The following WNT10B variants were observed in gnomAD, a reference collection of about 807,000 sequenced individuals.
WNT10B encodes protein Wnt-10b.
In WNT10B, 26 loss-of-function variants were observed where a neutral mutation model predicts 32.7. That is an observed-to-expected ratio of 0.79 (90% CI 0.58 to 1.10). The LOEUF is 1.10. Ranked by LOEUF, WNT10B falls within the 50% of genes least tolerant of loss-of-function variation. The pLI is 0.00. For missense variants in WNT10B, 474 were observed against 532.5 expected (o/e 0.89, Z 1.08); for synonymous variants, 204 against 220.4 (o/e 0.93, Z 0.66).
rs989293880 is a variant in WNT10B, at chr12:48,968,165, C to T, written c.492G>A (p.Leu164=). The T allele has an allele frequency of 3.1e-6, 5 of 1,614,084 alleles. No individual in the cohort carries two copies. In the Admixed American group the frequency reaches 8.3e-5, roughly 27 times the overall value. The change falls in exon 4 of 5, where the codon CTG becomes CTA. Residue 164 remains leucine (L), a synonymous_variant. Coordinates refer to ENST00000301061, the MANE Select transcript of WNT10B (RefSeq NM_003394.4). ...AACTCTTGCCTCGGGACAGTGCCTG[C>T]AGCTGCAGCAGTTTGGCCCTCAGCC... is the stretch of plus-strand genomic sequence containing the variant. The part of the protein sequence containing the change: ...QDRLRAKLLQ[L]QALSRGKSFP...
In WNT10B at chr12:48,970,468, G is replaced by T; in HGVS notation, c.62C>A (p.Ala21Glu). 6.2e-7 allele frequency: 1 copy of T among 1,612,860 alleles called. No homozygotes were observed. The highest frequency in any genetic ancestry group is 8.5e-7 in the Non-Finnish European group (1 of 1,179,630). Residue 21 changes from alanine to glutamate, a missense_variant, in exon 2 of 5, where the codon GCG becomes GAG. Coordinates refer to ENST00000301061, the MANE Select transcript of WNT10B (RefSeq NM_003394.4). This position sits in a 1 kb window ranked among gnomAD's most constrained non-coding sequence, Gnocchi z 5.0. Reference sequence around the variant, plus strand: ...GGGAACTGCTCACCGACTGCACAACGCCAGGAACAGGAGACCCGCGAGGCC... The same window carrying T: ...GGGAACTGCTCACCGACTGCACAACTCCAGGAACAGGAGACCCGCGAGGCC... ...PSGLAGLLFL[A>E]LCSRALSNEI... is the part of the protein sequence containing the mutation.
Position 48,970,445 on chromosome 12 carries a change from G to A in WNT10B, c.74+11C>T, listed in dbSNP as rs763579407. On this transcript the variant is annotated intron_variant, in intron 2 of 4. Coordinates refer to ENST00000301061, the MANE Select transcript of WNT10B (RefSeq NM_003394.4). The surrounding 1 kb of genome is among the most constrained non-coding windows in gnomAD (Gnocchi z 5.0). ...GTTTCTATGGCCTGGGAGACAAGGG[G>A]AACTGCTCACCGACTGCACAACGCC... The A allele has an allele frequency of 6.2e-7, 1 of 1,613,578 alleles. No homozygotes were observed. Among genetic ancestry groups the A allele is most frequent in the East Asian group, 2.2e-5 (1 of 44,852 alleles).
chr12:48,970,005 C>T lies in WNT10B; in HGVS notation c.337+84G>A. ...GAGGCCCCTCCCGGAGCCGCGAAAC[C>T]ATCCCTTCCCGCCTCCGCGCGCCTC... On this transcript the variant is annotated intron_variant, in intron 3 of 4. Coordinates refer to ENST00000301061, the MANE Select transcript of WNT10B (RefSeq NM_003394.4). The surrounding 1 kb of genome is among the most constrained non-coding windows in gnomAD (Gnocchi z 5.0). 1 of 1,369,474 alleles carries T rather than the reference C, an allele frequency of 7.3e-7. No individual in the cohort carries two copies. Among genetic ancestry groups the T allele is most frequent in the Non-Finnish European group, 9.4e-7 (1 of 1,065,174 alleles). 84.8% of individuals were successfully genotyped at this position (1,369,474 alleles called of 1,614,324 possible).
In WNT10B at chr12:48,966,069, C is replaced by A. The variant is rs766668613; in HGVS notation, c.*26G>T. ...GGCGCCCCTCTCACACAGTCCTCTT[C>A]CCCAGCCCCAAGGTAAGGCTGACCC... On this transcript the variant is annotated 3_prime_UTR_variant, in exon 5 of 5. Transcript: ENST00000301061. 1.9e-6 allele frequency: 3 copies of A among 1,612,768 alleles called. No homozygotes were observed. Among genetic ancestry groups the A allele is most frequent in the Non-Finnish European group, 2.5e-6 (3 of 1,179,692 alleles).
chr12:48,966,358 G>A lies in WNT10B; in HGVS notation c.907C>T (p.Arg303Cys), dbSNP rs149352188. The change falls in exon 5 of 5, where the codon CGC (arginine) becomes TGC (cysteine). Residue 303 changes from arginine (R) to cysteine (C), a missense_variant. Coordinates refer to ENST00000301061, the MANE Select transcript of WNT10B (RefSeq NM_003394.4). ...AAGTAGACCAGCTCTCCTGAGAGGC[G>A]ACGGGGACGCAGACGGGGCTGGAAG... ...GAFQPRLRPR[R>C]LSGELVYFEK... The A allele has an allele frequency of 1.4e-5, 22 of 1,614,096 alleles. No homozygotes were observed. Among genetic ancestry groups the A allele is most frequent in the Middle Eastern group, 1.6e-4 (1 of 6,084 alleles).
At chr12:48,968,462 TG>T in intron 3 of WNT10B, 143 bp from the exon 4 acceptor site, 8 of 1,350,742 alleles carry the variant, frequency 5.9e-6, no homozygotes, top group Non-Finnish European at 8.2e-6. Context: ...CTGAGTGATT[TG>T]GAGGAAAGTC....
In WNT10B at chr12:48,966,016, G is replaced by C. The variant is rs1045036279; in HGVS notation, c.*79C>G. Reference sequence around the variant, plus strand: ...CTTCCAGGGACCAAGAGTGACCTTGGAAGGAAATCAGAGCAAAGGGCTGAA... The same window carrying C: ...CTTCCAGGGACCAAGAGTGACCTTGCAAGGAAATCAGAGCAAAGGGCTGAA... On this transcript the variant is annotated 3_prime_UTR_variant, in exon 5 of 5. Transcript: ENST00000301061. 9.0e-6 allele frequency: 14 copies of C among 1,552,584 alleles called. No homozygotes were observed. The highest frequency in any genetic ancestry group is 1.7e-4 in the Middle Eastern group (1 of 5,988).
At position 48,966,204 on chromosome 12, in the gene WNT10B, T is replaced by C. The variant is rs1458277664; in HGVS notation, c.1061A>G (p.Asn354Ser). ...CTCAACTCGTGTCTGCCGGAGCACG[T>C]TGTGCCCACGGCCACAGCACAGGCT... ...CGSLCCGRGH[N>S]VLRQTRVERC... The change falls in exon 5 of 5, where the codon AAC becomes AGC. Residue 354 changes from asparagine to serine, a missense_variant. Coordinates refer to ENST00000301061, the MANE Select transcript of WNT10B (RefSeq NM_003394.4). 5 of 1,613,888 alleles carry C rather than the reference T, an allele frequency of 3.1e-6. 1 individual carries two copies. In the South Asian group the frequency reaches 4.4e-5, roughly 14 times the overall value.
intron 4 of WNT10B, 79 bp downstream of exon 4, chr12:48,967,867 C>T: frequency 6.4e-7 from 1 of 1,573,570 alleles, no homozygotes; most frequent in Non-Finnish European, 8.6e-7. Context: ...ACACTTTATC[C>T]TATCATTTCC....
chr12:48,970,512 C>T lies in WNT10B; in HGVS notation c.18G>A (p.Arg6=). ...CGAGGCCCGAGGGCGGAGGCCGCGG[C>T]CGGGGCTCCTCCAGCATGTCGAAGC... MLEEP[R]PRPPPSGLAG... The change falls in exon 2 of 5, where the codon CGG becomes CGA. Residue 6 remains arginine, a synonymous_variant. Coordinates refer to ENST00000301061, the MANE Select transcript of WNT10B (RefSeq NM_003394.4). The surrounding 1 kb of genome is among the most constrained non-coding windows in gnomAD (Gnocchi z 5.0). 1 of 1,589,876 alleles carries T rather than the reference C, an allele frequency of 6.3e-7. No individual in the cohort carries two copies. The highest frequency in any genetic ancestry group is 8.6e-7 in the Non-Finnish European group (1 of 1,168,422).
chr12:48,968,417 A>C, intron 3 of WNT10B, 98 bp from the exon 4 acceptor site: 2 of 1,544,320 alleles, frequency 1.3e-6, no homozygotes, highest in African/African-American at 2.7e-5. Flanking sequence ...AACTCCAGAA[A>C]TTCCTAACTG....
At chr12:48,966,685 A>G in intron 4 of WNT10B, 132 bp from the exon 5 acceptor site, 1 of 1,028,938 alleles carries the variant, frequency 9.7e-7, no homozygotes, top group Non-Finnish European at 1.5e-6. Context: ...GTATATCAGA[A>G]CAGAAAGGAC....
In WNT10B at chr12:48,970,560, C is replaced by T. The variant is rs1211294740; in HGVS notation, c.-31G>A. 2.6e-6 allele frequency: 4 copies of T among 1,559,396 alleles called. No homozygotes were observed. In the South Asian group the frequency reaches 4.7e-5, roughly 18 times the overall value. On this transcript the variant is annotated 5_prime_UTR_variant, in exon 2 of 5. Coordinates refer to ENST00000301061, the MANE Select transcript of WNT10B (RefSeq NM_003394.4). This position sits in a 1 kb window ranked among gnomAD's most constrained non-coding sequence, Gnocchi z 5.0. The stretch of plus-strand genomic sequence containing the variant: ...AGCCCGGAGGCTCCGGTGGGCAGAT[C>T]GATCAGGACCTGCGGGACGGGAGAC...
intron 3 of WNT10B, chr12:48,969,193 C>G: frequency 2.1e-6 from 1 of 466,094 alleles, no homozygotes; most frequent in Non-Finnish European, 4.4e-6. Context: ...AGGGGCTCTC[C>G]GGAGCCCTGA....
At position 48,967,936 on chromosome 12, in the gene WNT10B, A is replaced by G. The variant is rs1333254575; in HGVS notation, c.711+10T>C. On this transcript the variant is annotated intron_variant, in intron 4 of 4. Coordinates refer to ENST00000301061, the MANE Select transcript of WNT10B (RefSeq NM_003394.4). Reference sequence around the variant, plus strand: ...GCTGGGGAGACCCAGGACAAGATGTACACACATACCTGGCGCCCCACCCTG... The same window carrying G: ...GCTGGGGAGACCCAGGACAAGATGTGCACACATACCTGGCGCCCCACCCTG... 1 of 1,614,122 alleles carries G rather than the reference A, an allele frequency of 6.2e-7. No individual in the cohort carries two copies.
intron 1 of WNT10B, among the ~76,000 whole-genome samples, chr12:48,971,114 G>A (rs1940847593): frequency 6.6e-6 from 1 of 152,152 alleles, no homozygotes; most frequent in Admixed American, 6.5e-5. Flanking sequence ...GAGGCTCCAG[G>A]TGCAGGAAAG....
chr12:48,966,376 G>A lies in WNT10B; in HGVS notation c.889C>T (p.Pro297Ser). Residue 297 changes from proline to serine, a missense_variant, in exon 5 of 5, where the codon CCC becomes TCC. By Grantham distance (74) the Pro-to-Ser change is moderately conservative (BLOSUM62 -1). Transcript: ENST00000301061. The part of the protein sequence containing the change: ...THNRNSGAFQ[P>S]RLRPRRLSGE... ...GAGAGGCGACGGGGACGCAGACGGG[G>A]CTGGAAGGCTCCAGAATTGCGGTTG... 2 of 1,614,170 alleles carry A rather than the reference G, an allele frequency of 1.2e-6. No individual in the cohort carries two copies. Among genetic ancestry groups the A allele is most frequent in the South Asian group, 2.2e-5 (2 of 91,074 alleles).
chr12:48,969,927 G>A (rs1371314236), intron 3 of WNT10B, among the ~76,000 whole-genome samples, 162 bp downstream of exon 3: 1 of 151,452 alleles, frequency 6.6e-6, no homozygotes, highest in African/African-American at 2.4e-5. Context: ...GGGCCCAGAC[G>A]AGTGGCCAGA....
chr12:48,971,224 C>T (rs1940850245), intron 1 of WNT10B, among the ~76,000 whole-genome samples: 1 of 152,228 alleles, frequency 6.6e-6, no homozygotes, highest in South Asian at 2.1e-4. Context: ...TCCCCTCCTC[C>T]ATAGTCGCCC....
Sources: gnomAD v4.1 joint callset for allele counts (sites outside exome capture counted in the v4.1 genomes callset) on GRCh38, gnomAD v4.1.1 for gene constraint, Gnocchi (gnomAD v3.1) non-coding constraint, MANE v1.5 for transcripts, NCBI Gene and HGNC (gene_info 2026-07-23, HGNC 2026-07-21) for gene names.